ARHGAP12: variants seen among roughly 807,000 people sequenced by gnomAD.
ARHGAP12 encodes the protein Rho GTPase activating protein 12, also known as rho GTPase-activating protein 12.
ARHGAP12 carries 64 observed loss-of-function variants against 108.6 expected under a neutral mutation model. The observed-to-expected ratio is 0.59, with a 90% CI of 0.48 to 0.73. The LOEUF (loss-of-function observed/expected upper bound fraction) is 0.73. Among genes scored for constraint, ARHGAP12 ranks in the 30% least tolerant of loss-of-function variants. The probability of loss-of-function intolerance (pLI) is 0.00; values close to 1 mark genes in which losing one functional copy is unlikely to be tolerated. For synonymous variants in ARHGAP12, 312 were observed against 337.2 expected, an observed-to-expected ratio of 0.93 and a Z score of 0.82; for missense variants, 940 against 1,005.9, an observed-to-expected ratio of 0.93 and a Z score of 0.89.
At position 31,807,801 on chromosome 10, in the gene ARHGAP12, T is replaced by A; in HGVS notation, c.2398A>T (p.Thr800Ser). 6.5e-7 allele frequency: 1 copy of A among 1,547,002 alleles called. No homozygotes were observed. The highest frequency in any genetic ancestry group is 8.7e-7 in the Non-Finnish European group (1 of 1,150,550). Residue 800 changes from threonine to serine, a missense_variant, in exon 20 of 20, where the codon ACC (threonine) becomes TCC (serine). Thr to Ser is a moderately conservative substitution (Grantham distance 58). Coordinates refer to ENST00000344936, the MANE Select transcript of ARHGAP12 (RefSeq NM_018287.7). ...VIENGEKNRMTYQSIAIVFGP... is the reference protein window; with the variant it reads ...VIENGEKNRMSYQSIAIVFGP... ...AAAACAATTGCTATACTCTGATAGG[T>A]CATTCGATTTTTCTCTCCATTTTCT...
chr10:31,881,180 C>G (rs1329197920), intron 3 of ARHGAP12, among the ~76,000 whole-genome samples: 1 of 151,636 alleles, frequency 6.6e-6, no homozygotes, highest in Non-Finnish European at 1.5e-5. Flanking sequence ...AAAAAACTTA[C>G]CACATCAGTT....
intron 6 of ARHGAP12, among the ~76,000 whole-genome samples, chr10:31,848,378 G>A (rs1456224957): frequency 2.0e-5 from 3 of 152,060 alleles, no homozygotes. Context: ...ATTTATCCTT[G>A]ACAGCATTCA....
intron 4 of ARHGAP12, among the ~76,000 whole-genome samples, chr10:31,858,559 G>T (rs899364390): frequency 2.0e-5 from 3 of 152,076 alleles, no homozygotes; most frequent in Non-Finnish European, 4.4e-5. Context: ...ATCCTGTCTC[G>T]GCGGCATCTC....
chr10:31,822,965 T>A (rs1294311800), intron 11 of ARHGAP12, among the ~76,000 whole-genome samples: 2 of 152,132 alleles, frequency 1.3e-5, no homozygotes, highest in African/African-American at 4.8e-5. Flanking sequence ...AAAGAGTGAC[T>A]ATTTTTAGAA....
At chr10:31,879,903 T>A (rs1238854203) in intron 3 of ARHGAP12, among the ~76,000 whole-genome samples, 1 of 152,236 alleles carries the variant, frequency 6.6e-6, no homozygotes, top group Non-Finnish European at 1.5e-5. Context: ...TCTCTGCAGG[T>A]ACCTTTAACT....
rs1388744441 is a variant in ARHGAP12 at position 31,806,976 on chromosome 10, G to A, written c.*682C>T. The A allele has an allele frequency of 1.3e-5, 2 of 152,372 alleles. No homozygotes were observed. Among genetic ancestry groups the A allele is most frequent in the African/African-American group, 4.8e-5 (2 of 41,408 alleles). 9.4% of individuals were successfully genotyped at this position (152,372 alleles called of 1,614,324 possible). ...AGCTACAATTCAGTATAGCAAGACA[G>A]CCCTAAAATGCCCTGAACTGACTTC... On this transcript the variant is annotated 3_prime_UTR_variant, in exon 20 of 20. Coordinates refer to ENST00000344936, the MANE Select transcript of ARHGAP12 (RefSeq NM_018287.7).
At chr10:31,920,667 T>C (rs1839767437) in intron 1 of ARHGAP12, among the ~76,000 whole-genome samples, 1 of 125,588 alleles carries the variant, frequency 8.0e-6, no homozygotes, top group East Asian at 2.0e-4. Context: ...TACAATAAAG[T>C]TTTTGTTTTT....
chr10:31,852,524 A>G lies in ARHGAP12; in HGVS notation c.1163T>C (p.Leu388Ser). ...SADGSRSEWELPKYNASSQQQ... is the reference protein window; with the variant it reads ...SADGSRSEWESPKYNASSQQQ... ...GGTGTCAAGGTTTATTACCTTTGGCAATTCCCATTCTGACCGAGATCCGTC... is the reference window on the plus strand; with the variant it reads ...GGTGTCAAGGTTTATTACCTTTGGCGATTCCCATTCTGACCGAGATCCGTC... The change falls in exon 6 of 20, where the codon TTG (leucine) becomes TCG (serine). Residue 388 changes from leucine (L) to serine (S), a missense_variant. By Grantham distance (145) the Leu-to-Ser change is moderately radical. Coordinates refer to ENST00000344936, the MANE Select transcript of ARHGAP12 (RefSeq NM_018287.7). 6.2e-7 allele frequency: 1 copy of G among 1,608,884 alleles called. No individual in the cohort carries two copies. Among genetic ancestry groups the G allele is most frequent in the Non-Finnish European group, 8.5e-7 (1 of 1,175,418 alleles).
chr10:31,892,451 T>C (rs892641367), intron 3 of ARHGAP12, among the ~76,000 whole-genome samples: 2 of 151,080 alleles, frequency 1.3e-5, no homozygotes, highest in African/African-American at 4.9e-5. Context: ...AAAAAGGCAG[T>C]CCTAGTCTCT....
At chr10:31,851,652 G>A (rs1836683399) in intron 6 of ARHGAP12, among the ~76,000 whole-genome samples, 1 of 152,106 alleles carries the variant, frequency 6.6e-6, no homozygotes, top group Non-Finnish European at 1.5e-5. Context: ...AGGCCAGATA[G>A]CATTCACATA....
At chr10:31,867,203 C>T (rs567797813) in intron 3 of ARHGAP12, among the ~76,000 whole-genome samples, 1 of 151,518 alleles carries the variant, frequency 6.6e-6, no homozygotes, top group East Asian at 1.9e-4. Context: ...CAGCCTCCAC[C>T]TCCTGAAGAA....
Position 31,828,709 on chromosome 10 carries a change from G to A in ARHGAP12, c.1449-2324C>T, listed in dbSNP as rs571497195. Among the ~76,000 whole-genome samples, 5 of 151,672 alleles carry A rather than the reference G, an allele frequency of 3.3e-5. No individual in the cohort carries two copies. In the East Asian group the frequency reaches 7.8e-4, roughly 24 times the overall value. On this transcript the variant is annotated intron_variant, in intron 10 of 19. Transcript: ENST00000344936. ...GAATTAGTCACATTTTTTTTTCCTG[G>A]AACCCCATTTTTTCTCCTGAAAAAA...
intron 3 of ARHGAP12, among the ~76,000 whole-genome samples, chr10:31,890,600 G>A (rs1838383581): frequency 1.3e-5 from 2 of 152,110 alleles, no homozygotes; most frequent in South Asian, 4.1e-4. Flanking sequence ...GCTAAGTAAC[G>A]ACTCCATGGT....
chr10:31,894,354 G>A (rs1238854724), intron 3 of ARHGAP12, among the ~76,000 whole-genome samples: 10 of 151,924 alleles, frequency 6.6e-5, no homozygotes, highest in East Asian at 3.9e-4. Flanking sequence ...AAACCCCATC[G>A]TCTCAGCCCA....
At chr10:31,903,038 C>G (rs1487298167) in intron 3 of ARHGAP12, among the ~76,000 whole-genome samples, 1 of 152,204 alleles carries the variant, frequency 6.6e-6, no homozygotes, top group East Asian at 1.9e-4. Flanking sequence ...AACATCAGCT[C>G]TTCCCTGAGT....
intron 6 of ARHGAP12, among the ~76,000 whole-genome samples, chr10:31,843,797 C>A (rs1159678287): frequency 6.6e-6 from 1 of 152,104 alleles, no homozygotes; most frequent in African/African-American, 2.4e-5. Flanking sequence ...TTACACAGAC[C>A]AAGGTAGTGT....
chr10:31,843,552 A>G lies in ARHGAP12; in HGVS notation c.1205T>C (p.Ile402Thr), dbSNP rs374238403. The change falls in exon 7 of 20, where the codon ATT becomes ACT. Residue 402 changes from isoleucine to threonine, a missense_variant. Ile to Thr is a moderately conservative substitution (Grantham distance 89, BLOSUM62 -1). Transcript: ENST00000344936. ...NASSQQQREI[I>T]KSRSLDRRLQ... is the part of the protein sequence containing the mutation. ...CCGCCTGTCCAGGCTCCTACTTTTA[A>G]TTATTTCTCTTTGCTGCTGGGATGA... 55 of 1,609,616 alleles carry G rather than the reference A, an allele frequency of 3.4e-5. No individual in the cohort carries two copies. Among genetic ancestry groups the G allele is most frequent in the Non-Finnish European group, 4.6e-5 (54 of 1,178,850 alleles).
intron 13 of ARHGAP12, among the ~76,000 whole-genome samples, chr10:31,816,076 A>G (rs1835189690): frequency 6.6e-6 from 1 of 151,924 alleles, no homozygotes; most frequent in East Asian, 1.9e-4. Flanking sequence ...ACTTGAACCC[A>G]GGAGACGGAG....
intron 3 of ARHGAP12, among the ~76,000 whole-genome samples, chr10:31,881,810 T>C (rs1470141491): frequency 6.6e-6 from 1 of 152,096 alleles, no homozygotes; most frequent in Admixed American, 6.6e-5. Flanking sequence ...CAGTGTAAAA[T>C]ATATTCATAA....
Sources: allele counts gnomAD v4.1 joint callset (sites outside exome capture counted in the v4.1 genomes callset), GRCh38; gene constraint gnomAD v4.1.1; transcripts MANE v1.5; gene names NCBI Gene and HGNC (gene_info 2026-07-23, HGNC 2026-07-21).